DDAH1: variants seen among roughly 807,000 people sequenced by gnomAD.
The protein encoded by DDAH1 is dimethylarginine dimethylaminohydrolase 1.
Under a neutral mutation model 28.8 loss-of-function variants are expected in DDAH1, and 19 were observed. The observed-to-expected ratio is 0.66, with a 90% confidence interval of 0.46 to 0.97. The LOEUF is 0.97. DDAH1 is among the 50% of genes least tolerant of loss of function. DDAH1 has a pLI of 0.00. For missense variants in DDAH1, 326 were observed against 375.9 expected, an observed-to-expected ratio of 0.87 and a Z score of 1.10; for synonymous variants, 153 against 154.4, an observed-to-expected ratio of 0.99 and a Z score of 0.07.
chr1:85,379,562 T>C, intron 1 of DDAH1: 4 of 981,670 alleles, frequency 4.1e-6, no homozygotes, highest in Non-Finnish European at 4.8e-6. Context: ...GAAAGGAAAC[T>C]GAGGCACGGA....
chr1:85,417,038 A>G (rs897341515), intron 1 of DDAH1, among the ~76,000 whole-genome samples: 3 of 152,200 alleles, frequency 2.0e-5, no homozygotes, highest in Non-Finnish European at 2.9e-5. Context: ...TACATATAAC[A>G]TCATGAAGAC....
At chr1:85,498,465 G>T (rs2100736246) in intron 1 of DDAH1, among the ~76,000 whole-genome samples, 1 of 152,266 alleles carries the variant, frequency 6.6e-6, no homozygotes, top group South Asian at 2.1e-4. Context: ...TTGGAAAACA[G>T]AAAATTTGCT....
intron 1 of DDAH1, among the ~76,000 whole-genome samples, chr1:85,438,130 T>G: frequency 6.6e-6 from 1 of 152,138 alleles, no homozygotes. Context: ...CTAAACATTG[T>G]GTGCACAGGG....
At chr1:85,520,789 G>C (rs1402938345) in intron 1 of DDAH1, among the ~76,000 whole-genome samples, 7 of 152,214 alleles carry the variant, frequency 4.6e-5, no homozygotes, top group Non-Finnish European at 1.0e-4. Context: ...ATTCTGAAGA[G>C]CTGTAAAAGC....
intron 1 of DDAH1, among the ~76,000 whole-genome samples, chr1:85,423,778 T>C (rs990951003): frequency 1.5e-4 from 23 of 152,306 alleles, no homozygotes; most frequent in African/African-American, 5.3e-4. Flanking sequence ...GCTCCTTTTA[T>C]TTACTTTTCT....
At chr1:85,559,895 G>A (rs570892326) in intron 1 of DDAH1, among the ~76,000 whole-genome samples, 17 of 152,114 alleles carry the variant, frequency 1.1e-4, no homozygotes, top group African/African-American at 4.1e-4. Context: ...GAGAGAAGTA[G>A]GAGGACAGAA....
intron 1 of DDAH1, among the ~76,000 whole-genome samples, chr1:85,394,887 A>G (rs1651734589): frequency 6.6e-6 from 1 of 152,190 alleles, no homozygotes. Flanking sequence ...TGACCCATTA[A>G]TTGCTAAAAA....
At chr1:85,552,250 T>C (rs536255037) in intron 1 of DDAH1, among the ~76,000 whole-genome samples, 1 of 152,308 alleles carries the variant, frequency 6.6e-6, no homozygotes, top group Admixed American at 6.5e-5. Context: ...CTACATACTC[T>C]GGTCATCTTT....
intron 1 of DDAH1, among the ~76,000 whole-genome samples, chr1:85,573,193 A>T (rs1302902022): frequency 6.6e-6 from 1 of 152,198 alleles, no homozygotes; most frequent in Non-Finnish European, 1.5e-5. Context: ...TCAATCCCCA[A>T]GACTTGCAAA....
intron 1 of DDAH1, among the ~76,000 whole-genome samples, chr1:85,534,119 G>T (rs1417732554): frequency 3.9e-5 from 6 of 152,124 alleles, no homozygotes; most frequent in African/African-American, 1.4e-4. Context: ...TCTTAGAAAA[G>T]CTCAATTCTT....
chr1:85,566,097 C>G (rs760936620), intron 1 of DDAH1, among the ~76,000 whole-genome samples: 2 of 148,968 alleles, frequency 1.3e-5, no homozygotes, highest in Non-Finnish European at 3.0e-5. Flanking sequence ...AAAAAACAAC[C>G]AAAAAACAAA....
intron 1 of DDAH1, among the ~76,000 whole-genome samples, chr1:85,516,857 T>C (rs1337240496): frequency 6.6e-6 from 1 of 152,118 alleles, no homozygotes; most frequent in Non-Finnish European, 1.5e-5. Flanking sequence ...TAAGTAGTTC[T>C]GTGTTTAGTT....
chr1:85,559,839 G>A (rs188320638), intron 1 of DDAH1, among the ~76,000 whole-genome samples: 1 of 151,734 alleles, frequency 6.6e-6, no homozygotes, highest in Admixed American at 6.6e-5. Flanking sequence ...TTTTTGTCTT[G>A]TGGAATAATA....
intron 1 of DDAH1, among the ~76,000 whole-genome samples, chr1:85,573,715 A>T (rs1291228607): frequency 1.3e-5 from 2 of 152,262 alleles, no homozygotes; most frequent in Non-Finnish European, 2.9e-5. Context: ...AGGGAGACAG[A>T]GTAGTGGCTG....
chr1:85,465,188 G>A (rs1655321827), upstream of DDAH1: 1 of 1,136,186 alleles, frequency 8.8e-7, no homozygotes, highest in African/African-American at 1.6e-5. Context: ...CTCGCGCCCG[G>A]AGCCCTGCCC....
At chr1:85,573,034 G>T (rs1411603061) in intron 1 of DDAH1, among the ~76,000 whole-genome samples, 1 of 152,222 alleles carries the variant, frequency 6.6e-6, no homozygotes. Flanking sequence ...TATGTTAATT[G>T]CAGTGAAAGT....
rs1019339636 is a variant in DDAH1 at position 85,421,397 on chromosome 1, G to A, written c.303+43346C>T. Among the ~76,000 whole-genome samples the A allele has an allele frequency of 2.6e-4, 39 of 152,088 alleles. 1 individual carries two copies. Among genetic ancestry groups the A allele is most frequent in the African/African-American group, 8.2e-4 (34 of 41,416 alleles). On this transcript the variant is annotated intron_variant, in intron 1 of 5. Transcript: ENST00000284031. ...CTTCAGTGAGGTTGCTTCACACATT[G>A]TAACACAGTTAGATTGGTTTTATCA...
At chr1:85,446,569 G>C (rs918450805) in intron 1 of DDAH1, among the ~76,000 whole-genome samples, 1 of 152,112 alleles carries the variant, frequency 6.6e-6, no homozygotes, top group Admixed American at 6.5e-5. Flanking sequence ...TCCATTCCAA[G>C]TCCTATCCTT....
intron 1 of DDAH1, among the ~76,000 whole-genome samples, chr1:85,516,973 T>G (rs1312944332): frequency 6.6e-6 from 1 of 152,058 alleles, no homozygotes; most frequent in Non-Finnish European, 1.5e-5. Context: ...CAAACAAGCC[T>G]GTGTTTGCAT....
Sources: gnomAD v4.1 joint callset for allele counts (sites outside exome capture counted in the v4.1 genomes callset) on GRCh38, gnomAD v4.1.1 for gene constraint, MANE v1.5 for transcripts, NCBI Gene and HGNC (gene_info 2026-07-23, HGNC 2026-07-21) for gene names.